FUT9: variants seen among roughly 807,000 people sequenced by gnomAD.
FUT9 encodes the protein 4-galactosyl-N-acetylglucosaminide 3-alpha-L-fucosyltransferase 9.
Under a neutral mutation model 29.7 loss-of-function variants are expected in FUT9, and 15 were observed. The observed-to-expected ratio is 0.51, with a 90% CI of 0.34 to 0.78. The LOEUF (loss-of-function observed/expected upper bound fraction) is 0.78. Ranked by LOEUF, FUT9 falls within the 30% of genes least tolerant of loss-of-function variation. FUT9 has a pLI of 0.01. For missense variants in FUT9, 319 were observed against 425.4 expected (o/e 0.75, Z 2.20); for synonymous variants, 169 against 153.7 (o/e 1.10, Z -0.74).
In FUT9 at chr6:96,203,740, C is replaced by T. The variant is rs1042257798; in HGVS notation, c.585C>T (p.Asn195=). The change falls in exon 3 of 3, where the codon AAC becomes AAT. Residue 195 remains asparagine (N), a synonymous_variant. Coordinates refer to ENST00000302103, the MANE Select transcript of FUT9 (RefSeq NM_006581.4). ...AATTGGTGTGCTGGGTTGTGAGTAA[C>T]TGGAACCCTGAGCATGCCAGAGTCA... The part of the protein sequence containing the change: ...KEKLVCWVVS[N]WNPEHARVKY... The T allele has an allele frequency of 5.6e-6, 9 of 1,613,904 alleles. No homozygotes were observed. In the African/African-American group the frequency reaches 1.2e-4, roughly 22 times the overall value.
Position 96,016,140 on chromosome 6 carries a change from G to T in FUT9, c.-170G>T, listed in dbSNP as rs887277903. The T allele has an allele frequency of 1.0e-4, 16 of 154,684 alleles. No homozygotes were observed. The highest frequency in any genetic ancestry group is 4.0e-4 in the South Asian group (2 of 5,010). 9.6% of individuals were successfully genotyped at this position (154,684 alleles called of 1,614,324 possible). On this transcript the variant is annotated 5_prime_UTR_variant, in exon 1 of 3. Transcript: ENST00000302103. ...CTCTTAGGACAGCGCCGCCACCGCC[G>T]CCTGGCCCTGCCTGCCTCCTGCGCC... is the stretch of plus-strand genomic sequence containing the variant.
chr6:96,138,196 A>T (rs574530055), intron 2 of FUT9, among the ~76,000 whole-genome samples: 1 of 152,338 alleles, frequency 6.6e-6, no homozygotes, highest in East Asian at 1.9e-4. Flanking sequence ...ATGGTTTTCC[A>T]AGACAGAGCT....
intron 2 of FUT9, among the ~76,000 whole-genome samples, chr6:96,165,436 GA>G (rs141641119): frequency 0.44 from 59,974 of 136,624 alleles, 13,302 homozygotes; most frequent in South Asian, 0.72. Context: ...ATCTCAAAAA[GA>G]AAAAAAAAGA....
intron 2 of FUT9, among the ~76,000 whole-genome samples, chr6:96,160,265 G>A (rs1430571823): frequency 6.6e-6 from 1 of 152,120 alleles, no homozygotes; most frequent in Non-Finnish European, 1.5e-5. Context: ...AAGAGTCAGG[G>A]GAAAGAGTGG....
At chr6:96,192,343 C>A (rs539152926) in intron 2 of FUT9, among the ~76,000 whole-genome samples, 18 of 152,264 alleles carry the variant, frequency 1.2e-4, no homozygotes, top group Non-Finnish European at 2.4e-4. Context: ...CTGATAGCAA[C>A]TTCAGCAAAG....
chr6:96,062,641 G>A (rs1342139850), intron 1 of FUT9, among the ~76,000 whole-genome samples: 1 of 152,160 alleles, frequency 6.6e-6, no homozygotes, highest in East Asian at 1.9e-4. Context: ...GATGGAGAGA[G>A]GAAAACCTAC....
At position 96,205,162 on chromosome 6, in the gene FUT9, T is replaced by C. The variant is rs4270796; in HGVS notation, c.*927T>C. 0.92 allele frequency: 153,613 copies of C among 166,932 alleles called. 72,091 individuals carry two copies. Among genetic ancestry groups the C allele is most frequent in the Non-Finnish European group, 1 (67,945 of 68,074 alleles). The allele number at this position is 166,932 out of a possible 1,614,324, so 10.3% of individuals were successfully genotyped here. A position where few individuals can be genotyped will look rare whatever the true frequency, so the allele number is the denominator to read the frequency against. On this transcript the variant is annotated 3_prime_UTR_variant, in exon 3 of 3. Coordinates refer to ENST00000302103, the MANE Select transcript of FUT9 (RefSeq NM_006581.4). ...TCTGAAGCCCTAATATTTAAAATGG[T>C]CTTATTTTACCATATGGATATAAGA...
chr6:96,157,382 A>G (rs371015283), intron 2 of FUT9, among the ~76,000 whole-genome samples: 1 of 152,180 alleles, frequency 6.6e-6, no homozygotes, highest in South Asian at 2.1e-4. Context: ...TCTTTTCATA[A>G]TCTTTTTATT....
chr6:96,043,140 C>T (rs574753790), intron 1 of FUT9, among the ~76,000 whole-genome samples: 131 of 152,294 alleles, frequency 8.6e-4, no homozygotes, highest in African/African-American at 2.9e-3. Flanking sequence ...CAAGCTCCGC[C>T]TCCCGGGTTC....
intron 1 of FUT9, among the ~76,000 whole-genome samples, chr6:96,043,302 CGG>C (rs1554188423): frequency 2.9e-5 from 2 of 70,058 alleles, no homozygotes; most frequent in Non-Finnish European, 5.2e-5. Flanking sequence ...CCTCTCGCCT[CGG>C]GTCCCAAAGT....
intron 2 of FUT9, among the ~76,000 whole-genome samples, chr6:96,151,106 A>G (rs1333822938): frequency 6.6e-6 from 1 of 152,214 alleles, no homozygotes; most frequent in African/African-American, 2.4e-5. Context: ...CAGAGTGGGT[A>G]ACACCAAGAA....
At position 96,209,445 on chromosome 6, in the gene FUT9, A is replaced by C. The variant is rs1001080992; in HGVS notation, c.*5210A>C. The C allele has an allele frequency of 6.0e-6, 1 of 166,888 alleles. No homozygotes were observed. Among genetic ancestry groups the C allele is most frequent in the East Asian group, 1.9e-4 (1 of 5,190 alleles). 10.3% of individuals were successfully genotyped at this position (166,888 alleles called of 1,614,324 possible). A position where few individuals can be genotyped will look rare whatever the true frequency, so the allele number is the denominator to read the frequency against. On this transcript the variant is annotated 3_prime_UTR_variant, in exon 3 of 3. Transcript: ENST00000302103. ...TCTATGACTTTTGAACTCACTGCTC[A>C]CTGACATCTTAATTGCCTGCAGAAA... is the stretch of plus-strand genomic sequence containing the variant.
chr6:96,203,010 A>C, intron 2 of FUT9, 138 bp from the exon 3 acceptor site: 1 of 650,646 alleles, frequency 1.5e-6, no homozygotes, highest in Non-Finnish European at 2.5e-6. Context: ...CAATGGTTTG[A>C]TAACACTGAA....
intron 1 of FUT9, among the ~76,000 whole-genome samples, chr6:96,061,079 T>C (rs75424626): frequency 6.6e-6 from 1 of 151,834 alleles, no homozygotes; most frequent in African/African-American, 2.4e-5. Context: ...AGTTTACTAG[T>C]AATTCCATGG....
chr6:96,046,100 GA>G (rs1770558420), intron 1 of FUT9, among the ~76,000 whole-genome samples: 1 of 151,404 alleles, frequency 6.6e-6, no homozygotes, highest in South Asian at 2.1e-4. Flanking sequence ...ATTTCATGTG[GA>G]ATAGTATTCA....
chr6:96,186,218 T>C (rs749520005), intron 2 of FUT9, among the ~76,000 whole-genome samples: 2 of 152,282 alleles, frequency 1.3e-5, no homozygotes, highest in African/African-American at 4.8e-5. Context: ...ATTTTTTCTA[T>C]TTCAGTTCTT....
At chr6:96,051,247 A>G (rs1770664182) in intron 1 of FUT9, among the ~76,000 whole-genome samples, 1 of 152,124 alleles carries the variant, frequency 6.6e-6, no homozygotes, top group Admixed American at 6.6e-5. Flanking sequence ...GCACTAGATT[A>G]TCATGTCTCT....
At chr6:96,019,997 T>C (rs1387358407) in intron 1 of FUT9, among the ~76,000 whole-genome samples, 1 of 152,048 alleles carries the variant, frequency 6.6e-6, no homozygotes, top group African/African-American at 2.4e-5. Flanking sequence ...GTTAAAGAAA[T>C]CTGAAAATAA....
chr6:96,170,283 A>G (rs1773087684), intron 2 of FUT9, among the ~76,000 whole-genome samples: 1 of 152,118 alleles, frequency 6.6e-6, no homozygotes. Context: ...GGTCAAATCG[A>G]TATTGTGATC....
Sources: gnomAD v4.1 joint callset for allele counts (sites outside exome capture counted in the v4.1 genomes callset) on GRCh38, gnomAD v4.1.1 for gene constraint, MANE v1.5 for transcripts, NCBI Gene and HGNC (gene_info 2026-07-23, HGNC 2026-07-21) for gene names.